The following VAT1L variants were observed in gnomAD, a reference collection of about 807,000 sequenced individuals.
VAT1L encodes vesicle amine transport 1 like.
In VAT1L, 34 loss-of-function variants were observed where a neutral mutation model predicts 44.1. The observed-to-expected ratio is 0.77, with a 90% CI of 0.59 to 1.03. The LOEUF is 1.03. VAT1L is among the 50% of genes least tolerant of loss of function. The probability of loss-of-function intolerance (pLI) is 0.00; values close to 1 mark genes in which losing one functional copy is unlikely to be tolerated. For missense variants in VAT1L, 615 were observed against 538.8 expected (o/e 1.14, Z -1.40); for synonymous variants, 253 against 202.2 (o/e 1.25, Z -2.13).
chr16:77,853,020 C>A (rs1398765019), intron 3 of VAT1L, among the ~76,000 whole-genome samples: 2 of 152,186 alleles, frequency 1.3e-5, no homozygotes, highest in Admixed American at 1.3e-4. Flanking sequence ...AATGAATCAA[C>A]CTATATGCTT....
At chr16:77,833,713 T>C (rs2016607548) in intron 3 of VAT1L, among the ~76,000 whole-genome samples, 1 of 150,878 alleles carries the variant, frequency 6.6e-6, no homozygotes. Flanking sequence ...ATCACACCAT[T>C]GCACTCCGGC....
At chr16:77,925,080 C>T (rs897546381) in intron 7 of VAT1L, among the ~76,000 whole-genome samples, 1 of 152,158 alleles carries the variant, frequency 6.6e-6, no homozygotes, top group Non-Finnish European at 1.5e-5. Flanking sequence ...GAATGTTCAG[C>T]TTATAGGTAG....
chr16:77,957,522 C>G (rs1428915411), intron 7 of VAT1L, among the ~76,000 whole-genome samples: 1 of 151,994 alleles, frequency 6.6e-6, no homozygotes, highest in African/African-American at 2.4e-5. Flanking sequence ...GTCAAGAGAT[C>G]GAGACCATCC....
At chr16:77,837,909 G>A (rs537935558) in intron 3 of VAT1L, among the ~76,000 whole-genome samples, 1 of 152,184 alleles carries the variant, frequency 6.6e-6, no homozygotes, top group African/African-American at 2.4e-5. Context: ...TGTCTCATTA[G>A]ACAATATTAC....
At chr16:77,961,822 G>A (rs1451720513) in intron 7 of VAT1L, among the ~76,000 whole-genome samples, 1 of 152,168 alleles carries the variant, frequency 6.6e-6, no homozygotes, top group Non-Finnish European at 1.5e-5. Context: ...GTGATCTTAG[G>A]TGAAACACTT....
intron 7 of VAT1L, among the ~76,000 whole-genome samples, chr16:77,913,972 G>A (rs930282449): frequency 9.9e-5 from 15 of 152,108 alleles, no homozygotes; most frequent in African/African-American, 3.4e-4. Flanking sequence ...ATGCCTGAAG[G>A]CTGCCTTATT....
chr16:77,971,804 A>G lies in VAT1L; in HGVS notation c.1078-46A>G, dbSNP rs147715665. ...CTCCAGGCCCCCTTTTTAACTGGGG[A>G]ACATCTCGCCTAACCAGCACCTCTG... is the stretch of plus-strand genomic sequence containing the variant. On this transcript the variant is annotated intron_variant, in intron 7 of 8. Coordinates refer to ENST00000302536, the MANE Select transcript of VAT1L (RefSeq NM_020927.3). 9.0e-4 allele frequency: 1,422 copies of G among 1,581,320 alleles called. 25 individuals carry two copies. In the East Asian group the frequency reaches 0.027, roughly 30 times the overall value.
intron 3 of VAT1L, among the ~76,000 whole-genome samples, chr16:77,833,568 C>T (rs1335481978): frequency 1.1e-4 from 16 of 151,762 alleles, no homozygotes; most frequent in Non-Finnish European, 1.9e-4. Context: ...CTGGCCAACA[C>T]GGTGAAACCC....
At chr16:77,869,847 C>A (rs2142448378) in intron 4 of VAT1L, among the ~76,000 whole-genome samples, 1 of 152,268 alleles carries the variant, frequency 6.6e-6, no homozygotes, top group Middle Eastern at 3.4e-3. Context: ...TGACTTGAAT[C>A]TTGCTATCTG....
chr16:77,870,299 T>C (rs986090758), intron 4 of VAT1L, among the ~76,000 whole-genome samples: 1 of 152,152 alleles, frequency 6.6e-6, no homozygotes, highest in Non-Finnish European at 1.5e-5. Flanking sequence ...CACTCGGAAA[T>C]AGTCTCATCC....
At chr16:77,863,682 A>G (rs979509554) in intron 4 of VAT1L, among the ~76,000 whole-genome samples, 4 of 152,110 alleles carry the variant, frequency 2.6e-5, no homozygotes, top group Admixed American at 6.5e-5. Context: ...AGGCTGGGAG[A>G]ACTACAAGAA....
At chr16:77,887,717 T>C (rs1205550843) in intron 7 of VAT1L, among the ~76,000 whole-genome samples, 1 of 152,202 alleles carries the variant, frequency 6.6e-6, no homozygotes, top group East Asian at 1.9e-4. Context: ...CGTGCTTGAC[T>C]GAGTCATGCA....
chr16:77,827,257 C>A (rs1282640332), intron 3 of VAT1L, among the ~76,000 whole-genome samples: 1 of 152,196 alleles, frequency 6.6e-6, no homozygotes, highest in Admixed American at 6.5e-5. Context: ...GCTCAGCATA[C>A]AAAGTATTAG....
chr16:77,901,063 C>T (rs138396957), intron 7 of VAT1L, among the ~76,000 whole-genome samples: 2 of 149,766 alleles, frequency 1.3e-5, no homozygotes, highest in African/African-American at 2.5e-5. Flanking sequence ...TGGGAGAAGA[C>T]ACAGCAAGTG....
chr16:77,878,650 C>G (rs1253016642), intron 5 of VAT1L, among the ~76,000 whole-genome samples: 4 of 152,072 alleles, frequency 2.6e-5, no homozygotes, highest in Non-Finnish European at 1.5e-5. Flanking sequence ...TTTCTTTGGT[C>G]CCTGGGCCCC....
intron 7 of VAT1L, among the ~76,000 whole-genome samples, chr16:77,970,364 T>C (rs1338042238): frequency 6.6e-6 from 1 of 152,262 alleles, no homozygotes; most frequent in East Asian, 1.9e-4. Flanking sequence ...CATCCATTTC[T>C]TCTACATGAT....
chr16:77,814,898 G>C (rs2016325814), intron 1 of VAT1L, among the ~76,000 whole-genome samples: 1 of 152,180 alleles, frequency 6.6e-6, no homozygotes, highest in Admixed American at 6.5e-5. Flanking sequence ...CTTAACGGAA[G>C]ATGCAAATTT....
At chr16:77,840,188 A>G (rs1197779985) in intron 3 of VAT1L, among the ~76,000 whole-genome samples, 1 of 152,222 alleles carries the variant, frequency 6.6e-6, no homozygotes, top group African/African-American at 2.4e-5. Flanking sequence ...ATCAGAGATA[A>G]GAGGTAACAG....
At chr16:77,813,133 AG>A (rs1337467640) in intron 1 of VAT1L, among the ~76,000 whole-genome samples, 3 of 152,018 alleles carry the variant, frequency 2.0e-5, no homozygotes, top group African/African-American at 7.2e-5. Context: ...TGTGCAAAAC[AG>A]GGGCATTGAC....
Sources: allele counts gnomAD v4.1 joint callset (sites outside exome capture counted in the v4.1 genomes callset), GRCh38; gene constraint gnomAD v4.1.1; transcripts MANE v1.5; gene names NCBI Gene and HGNC (gene_info 2026-07-23, HGNC 2026-07-21).